SOX6: variants seen among roughly 807,000 people sequenced by gnomAD.
SOX6 encodes the protein transcription factor SOX-6.
SOX6 carries 11 observed loss-of-function variants against 97.8 expected under a neutral mutation model. The ratio of observed to expected loss-of-function variants is 0.11; its 90% confidence interval spans 0.07 to 0.19. The LOEUF is 0.19. Ranked by LOEUF, SOX6 falls within the 10% of genes least tolerant of loss-of-function variation. The probability of loss-of-function intolerance (pLI) is 1.00; values close to 1 mark genes in which losing one functional copy is unlikely to be tolerated. For synonymous variants in SOX6, 360 were observed against 371.4 expected, an observed-to-expected ratio of 0.97 and a Z score of 0.35; for missense variants, 810 against 1,039.5, an observed-to-expected ratio of 0.78 and a Z score of 3.04.
chr11:16,429,925 C>G (rs1028429698), intron 1 of SOX6, among the ~76,000 whole-genome samples: 1 of 152,156 alleles, frequency 6.6e-6, no homozygotes, highest in Non-Finnish European at 1.5e-5. Flanking sequence ...TCTGCTATGT[C>G]TTAGTAATCT....
At chr11:16,246,310 T>C (rs984035326) in intron 3 of SOX6, among the ~76,000 whole-genome samples, 37 of 151,778 alleles carry the variant, frequency 2.4e-4, no homozygotes, top group Non-Finnish European at 2.2e-4. Flanking sequence ...AAATTAAATG[T>C]CATATATTTG....
At chr11:15,982,434 C>A (rs915958079) in intron 15 of SOX6, among the ~76,000 whole-genome samples, 1 of 151,782 alleles carries the variant, frequency 6.6e-6, no homozygotes, top group Non-Finnish European at 1.5e-5. Flanking sequence ...AAAAGTAGCC[C>A]CAAATTTAAT....
At chr11:15,981,915 G>A (rs1414829045) in intron 15 of SOX6, among the ~76,000 whole-genome samples, 1 of 151,982 alleles carries the variant, frequency 6.6e-6, no homozygotes, top group East Asian at 1.9e-4. Flanking sequence ...AAGTTACTCA[G>A]GCTTCAAGAA....
chr11:16,519,663 A>G (rs1861026978), intron 4 of SOX6, among the ~76,000 whole-genome samples: 1 of 152,162 alleles, frequency 6.6e-6, no homozygotes, highest in South Asian at 2.1e-4. Flanking sequence ...CAGTAAACAG[A>G]TGAGTACAGG....
At chr11:16,399,658 T>C (rs1029834684) in intron 1 of SOX6, among the ~76,000 whole-genome samples, 8 of 151,344 alleles carry the variant, frequency 5.3e-5, no homozygotes, top group Non-Finnish European at 8.9e-5. Flanking sequence ...TTAACCTGAG[T>C]TTGCCCAGTT....
intron 10 of SOX6, among the ~76,000 whole-genome samples, chr11:16,052,536 T>C (rs964921376): frequency 2.0e-5 from 3 of 152,190 alleles, no homozygotes; most frequent in Non-Finnish European, 4.4e-5. Flanking sequence ...TTGTTTTTAC[T>C]TTCTTATCTA....
At chr11:16,736,048 T>C (rs1185350744) in intron 2 of SOX6, among the ~76,000 whole-genome samples, 2 of 152,188 alleles carry the variant, frequency 1.3e-5, no homozygotes, top group African/African-American at 4.8e-5. Flanking sequence ...TTGTCTTTAC[T>C]ACCCAAGAAA....
chr11:16,465,146 A>C (rs1021878529), intron 1 of SOX6, among the ~76,000 whole-genome samples: 2 of 152,000 alleles, frequency 1.3e-5, no homozygotes, highest in African/African-American at 2.4e-5. Flanking sequence ...CTGACACTCA[A>C]CTCTCTTGTT....
At chr11:16,268,204 T>C (rs1854139863) in intron 3 of SOX6, among the ~76,000 whole-genome samples, 1 of 151,322 alleles carries the variant, frequency 6.6e-6, no homozygotes, top group African/African-American at 2.4e-5. Flanking sequence ...AATGTTTTTG[T>C]CACAAAAATG....
intron 3 of SOX6, among the ~76,000 whole-genome samples, chr11:16,257,489 A>G (rs1364313889): frequency 6.6e-6 from 1 of 151,946 alleles, no homozygotes; most frequent in African/African-American, 2.4e-5. Flanking sequence ...GATGCTGAAA[A>G]AACTGGACAT....
At chr11:16,441,526 C>T (rs1859502272) in intron 1 of SOX6, among the ~76,000 whole-genome samples, 2 of 152,114 alleles carry the variant, frequency 1.3e-5, no homozygotes, top group Admixed American at 6.5e-5. Context: ...AATCCAAATG[C>T]TTCAAATACC....
At chr11:16,597,640 G>A (rs937062393) in intron 4 of SOX6, among the ~76,000 whole-genome samples, 2 of 151,782 alleles carry the variant, frequency 1.3e-5, no homozygotes, top group Admixed American at 1.3e-4. Context: ...AGATTGAGAT[G>A]GGTATATTTG....
At chr11:16,367,934 T>C (rs375982506) in intron 1 of SOX6, among the ~76,000 whole-genome samples, 11 of 152,138 alleles carry the variant, frequency 7.2e-5, no homozygotes, top group African/African-American at 2.4e-4. Flanking sequence ...TGAAACTTTA[T>C]ATAAAACAAC....
chr11:16,136,280 G>T lies in SOX6; in HGVS notation c.778-24357C>A, dbSNP rs78531845. Among the ~76,000 whole-genome samples the T allele has an allele frequency of 7.3e-5, 11 of 150,890 alleles. No homozygotes were observed. The East Asian group carries it at 1.8e-3, about 24-fold the overall frequency. On this transcript the variant is annotated intron_variant, in intron 6 of 15. Coordinates refer to ENST00000683767, the MANE Select transcript of SOX6 (RefSeq NM_001367873.1). ...TCATCCACCCGCCTCGGCCTCCCAA[G>T]ATCATTAGCATTTTTTAGCAATATA...
intron 4 of SOX6, among the ~76,000 whole-genome samples, chr11:16,513,445 C>T (rs1860912828): frequency 6.6e-6 from 1 of 151,892 alleles, no homozygotes; most frequent in Non-Finnish European, 1.5e-5. Context: ...CCAGCCTGGC[C>T]AACATGGTGA....
At chr11:16,254,859 C>G (rs1853636632) in intron 3 of SOX6, among the ~76,000 whole-genome samples, 1 of 151,344 alleles carries the variant, frequency 6.6e-6, no homozygotes, top group Non-Finnish European at 1.5e-5. Context: ...AAAATAAGAC[C>G]CAACTATATA....
intron 2 of SOX6, among the ~76,000 whole-genome samples, chr11:16,338,391 G>T (rs1474770377): frequency 6.6e-6 from 1 of 151,776 alleles, no homozygotes; most frequent in Non-Finnish European, 1.5e-5. Flanking sequence ...ATGTAGGTTT[G>T]CAGGTCTGCC....
chr11:16,615,024 T>C lies in SOX6; in HGVS notation n.430-2764A>G, dbSNP rs186917326. ...GGACAACAAGAAATGTCTTCTCCAATAAAAGAAGCAACAGGCCCCCAAGCC... is the reference window on the plus strand; with the variant it reads ...GGACAACAAGAAATGTCTTCTCCAACAAAAGAAGCAACAGGCCCCCAAGCC... On this transcript the variant is annotated intron_variant and non_coding_transcript_variant, in intron 3 of 5. Coordinates refer to the SOX6 transcript ENST00000524520. Among the ~76,000 whole-genome samples the C allele has an allele frequency of 6.6e-5, 10 of 152,236 alleles. No individual in the cohort carries two copies. In the East Asian group the frequency reaches 1.9e-3, roughly 29 times the overall value.
chr11:16,106,259 G>A (rs1393572302), intron 7 of SOX6, among the ~76,000 whole-genome samples: 2 of 151,876 alleles, frequency 1.3e-5, no homozygotes, highest in Non-Finnish European at 2.9e-5. Context: ...TCTTGAAAAA[G>A]ACGAATAAAG....
Sources: gnomAD v4.1 joint callset for allele counts (sites outside exome capture counted in the v4.1 genomes callset) on GRCh38, gnomAD v4.1.1 for gene constraint, MANE v1.5 for transcripts, NCBI Gene and HGNC (gene_info 2026-07-23, HGNC 2026-07-21) for gene names.